The following RAD54B variants were observed in gnomAD, a reference collection of about 807,000 sequenced individuals.
RAD54B encodes the protein DNA repair and recombination protein RAD54B.
RAD54B carries 78 observed loss-of-function variants against 95.8 expected under a neutral mutation model. The ratio of observed to expected loss-of-function variants is 0.81; its 90% CI spans 0.68 to 0.98. RAD54B has a LOEUF of 0.98. Among genes scored for constraint, RAD54B ranks in the 50% least tolerant of loss-of-function variants. The pLI, the probability that RAD54B is intolerant of heterozygous loss-of-function variation, is 0.00. For synonymous variants in RAD54B, 328 were observed against 354.9 expected (o/e 0.92, Z 0.85); for missense variants, 957 against 1,056.6 (o/e 0.91, Z 1.31).
intron 3 of RAD54B, chr8:94,427,658 A>G (rs1811975958): frequency 1.1e-6 from 1 of 946,860 alleles, no homozygotes; most frequent in Non-Finnish European, 1.3e-6. Flanking sequence ...AAAAAATTTT[A>G]CCTCTACAGT....
chr8:94,379,522 G>A (rs542107064), intron 12 of RAD54B, among the ~76,000 whole-genome samples: 19 of 152,244 alleles, frequency 1.2e-4, no homozygotes, highest in Non-Finnish European at 1.3e-4. Context: ...TTTCCTTACC[G>A]CTTTGAGTAT....
chr8:94,461,978 C>T (rs1812916651), intron 2 of RAD54B, among the ~76,000 whole-genome samples: 1 of 152,204 alleles, frequency 6.6e-6, no homozygotes, highest in African/African-American at 2.4e-5. Context: ...CTAGATCACA[C>T]ATTACATCTA....
Position 94,380,349 on chromosome 8 carries a change from C to T in RAD54B, c.2043G>A (p.Lys681=). The T allele has an allele frequency of 1.8e-5, 29 of 1,613,850 alleles. No homozygotes were observed. The highest frequency in any genetic ancestry group is 2.4e-5 in the Non-Finnish European group (28 of 1,179,808). The change falls in exon 12 of 15, where the codon AAG becomes AAA. Residue 681 remains lysine, a synonymous_variant. Transcript: ENST00000336148. ...GTCTTGTATAAGCATATCCATGACG[C>T]TTACATACTTCTTGTAAAATGTTCA... ...QTLNILQEVC[K]RHGYAYTRLD...
chr8:94,395,211 G>C (rs1215316536), intron 8 of RAD54B, among the ~76,000 whole-genome samples: 1 of 152,126 alleles, frequency 6.6e-6, no homozygotes, highest in African/African-American at 2.4e-5. Context: ...AAGGGTTCTT[G>C]TCTCATACTG....
chr8:94,394,760 A>G (rs1031226544), intron 8 of RAD54B, among the ~76,000 whole-genome samples: 2 of 152,224 alleles, frequency 1.3e-5, no homozygotes, highest in South Asian at 2.1e-4. Context: ...TGGCTTTCAA[A>G]TAAGAGATTA....
At chr8:94,389,376 T>C (rs1586127832) in intron 10 of RAD54B, among the ~76,000 whole-genome samples, 1 of 152,340 alleles carries the variant, frequency 6.6e-6, no homozygotes, top group South Asian at 2.1e-4. Context: ...AATTAATCCA[T>C]ATGTGTTGAG....
chr8:94,387,033 C>T lies in RAD54B; in HGVS notation c.1936G>A (p.Val646Met), dbSNP rs772103978. The T allele has an allele frequency of 1.9e-6, 3 of 1,612,252 alleles. No individual in the cohort carries two copies. Among genetic ancestry groups the T allele is most frequent in the South Asian group, 1.1e-5 (1 of 90,480 alleles). Reference protein sequence around the residue: ...FTEKESGKLQVLSKLLAVIHE... With the variant: ...FTEKESGKLQMLSKLLAVIHE... ...ATAACCGCTAAGAGCTTGGACAACACCTGTAGTTTTCCTGACTCCTTTTCA... is the reference window on the plus strand; with the variant it reads ...ATAACCGCTAAGAGCTTGGACAACATCTGTAGTTTTCCTGACTCCTTTTCA... Residue 646 changes from valine (V) to methionine (M), a missense_variant, in exon 11 of 15, where the codon GTG (valine) becomes ATG (methionine). By Grantham distance (21) the Val-to-Met change is conservative. Transcript: ENST00000336148.
At chr8:94,399,884 G>A (rs1259923798) in intron 7 of RAD54B, among the ~76,000 whole-genome samples, 1 of 152,178 alleles carries the variant, frequency 6.6e-6, no homozygotes, top group African/African-American at 2.4e-5. Context: ...TTCCTGGCTT[G>A]CAGAAGAATG....
intron 3 of RAD54B, among the ~76,000 whole-genome samples, chr8:94,425,315 A>G (rs970734298): frequency 1.3e-5 from 2 of 150,624 alleles, no homozygotes; most frequent in Middle Eastern, 3.4e-3. Context: ...TCAGCCTCAC[A>G]AAGTGCTAGG....
chr8:94,403,165 G>T lies in RAD54B; in HGVS notation c.944+912C>A, dbSNP rs74506802. Among the ~76,000 whole-genome samples the T allele has an allele frequency of 3.2e-3, 493 of 152,138 alleles. 8 individuals are homozygous for T. Among genetic ancestry groups the T allele is most frequent in the East Asian group, 0.024 (126 of 5,182 alleles). Reference sequence around the variant, plus strand: ...TAAAGGACAAATTTTAAAATCAAGGGTCTTGGCATTTAAAAACAAGGCAAA... The same window carrying T: ...TAAAGGACAAATTTTAAAATCAAGGTTCTTGGCATTTAAAAACAAGGCAAA... On this transcript the variant is annotated intron_variant, in intron 6 of 14. Transcript: ENST00000336148.
intron 3 of RAD54B, chr8:94,436,548 C>A (rs1285863211): frequency 6.5e-7 from 1 of 1,550,318 alleles, no homozygotes; most frequent in Non-Finnish European, 8.7e-7. Flanking sequence ...TCTGGGGAAT[C>A]ATCTCCATAA....
chr8:94,415,176 T>C (rs1811630759), intron 3 of RAD54B, among the ~76,000 whole-genome samples: 1 of 151,812 alleles, frequency 6.6e-6, no homozygotes, highest in Non-Finnish European at 1.5e-5. Flanking sequence ...GAGATATAGA[T>C]CAATGGAATA....
intron 3 of RAD54B, chr8:94,432,035 AT>A: frequency 7.1e-7 from 1 of 1,399,382 alleles, no homozygotes; most frequent in Non-Finnish European, 9.3e-7. Context: ...GATTAACAAC[AT>A]TTTTCAAGAA....
intron 6 of RAD54B, among the ~76,000 whole-genome samples, chr8:94,402,907 A>G (rs1811296461): frequency 6.6e-6 from 1 of 152,332 alleles, no homozygotes; most frequent in East Asian, 1.9e-4. Context: ...ATTAGGAAAC[A>G]ATATTTAGGA....
At chr8:94,406,506 C>A (rs2515151) in intron 5 of RAD54B, among the ~76,000 whole-genome samples, 131,010 of 152,136 alleles carry the variant, frequency 0.86, 57,703 homozygotes, top group Non-Finnish European at 0.96. Flanking sequence ...ATATAGAACT[C>A]AGAATTTTTA....
At chr8:94,473,318 C>T (rs1025051262) in intron 1 of RAD54B, among the ~76,000 whole-genome samples, 1 of 152,164 alleles carries the variant, frequency 6.6e-6, no homozygotes, top group East Asian at 1.9e-4. Flanking sequence ...CACCAGATAG[C>T]CACAAGTACT....
intron 3 of RAD54B, 67 bp downstream of exon 3, chr8:94,458,201 C>T (rs527800618): frequency 7.4e-7 from 1 of 1,349,938 alleles, no homozygotes; most frequent in East Asian, 2.6e-5. Flanking sequence ...ATTCTTAAAA[C>T]ATCATTTAAA....
intron 3 of RAD54B, among the ~76,000 whole-genome samples, chr8:94,435,123 G>A (rs1156593725): frequency 6.6e-6 from 1 of 151,998 alleles, no homozygotes; most frequent in African/African-American, 2.4e-5. Flanking sequence ...TGGTTCAAGG[G>A]AGAGAAAATT....
In RAD54B at chr8:94,467,447, A is replaced by G; in HGVS notation, c.93T>C (p.Asn31=). Residue 31 remains asparagine, a synonymous_variant, in exon 2 of 15, where the codon AAT becomes AAC. Coordinates refer to ENST00000336148, the MANE Select transcript of RAD54B (RefSeq NM_012415.3). The part of the protein sequence containing the change: ...IPPGRSNPGL[N]EEITKLNPDI... ...CTGGATTCAGTTTTGTAATCTCTTCATTCAGACCTGGATTACTTCTTCCTG... is the reference window on the plus strand; with the variant it reads ...CTGGATTCAGTTTTGTAATCTCTTCGTTCAGACCTGGATTACTTCTTCCTG... The G allele has an allele frequency of 6.2e-7, 1 of 1,613,206 alleles. No individual in the cohort carries two copies. Among genetic ancestry groups the G allele is most frequent in the Non-Finnish European group, 8.5e-7 (1 of 1,179,678 alleles).
Sources: allele counts gnomAD v4.1 joint callset (sites outside exome capture counted in the v4.1 genomes callset), GRCh38; gene constraint gnomAD v4.1.1; transcripts MANE v1.5; gene names NCBI Gene and HGNC (gene_info 2026-07-23, HGNC 2026-07-21).